ETNK2: variants seen among roughly 807,000 people sequenced by gnomAD.
ETNK2 encodes the protein ethanolamine kinase 2, also known as ethanolamine kinase-like protein.
ETNK2 carries 33 observed loss-of-function variants against 46.2 expected under a neutral mutation model. The observed-to-expected ratio is 0.71, with a 90% CI of 0.54 to 0.96. The LOEUF is 0.96. Ranked by LOEUF, ETNK2 falls within the 40% of genes least tolerant of loss-of-function variation. The pLI is 0.00. For missense variants in ETNK2, 445 were observed against 509.7 expected, an observed-to-expected ratio of 0.87 and a Z score of 1.22; for synonymous variants, 194 against 209.0, an observed-to-expected ratio of 0.93 and a Z score of 0.62.
In ETNK2 at chr1:204,137,166, C is replaced by T. The variant is rs746909963; in HGVS notation, c.952G>A (p.Gly318Arg). 1.2e-6 allele frequency: 2 copies of T among 1,613,986 alleles called. No homozygotes were observed. Among genetic ancestry groups the T allele is most frequent in the South Asian group, 2.2e-5 (2 of 91,074 alleles). The change falls in exon 6 of 8, where the codon GGG becomes AGG. Residue 318 changes from glycine to arginine, a missense_variant. Transcript: ENST00000367202. Reference protein sequence around the residue: ...WLHYYLQAQKGMAVTPREVQR... With the variant: ...WLHYYLQAQKRMAVTPREVQR... ...ACCTCCCTGGGGGTCACGGCCATCCCCTTTTGTGCCTGCAGGTAGTAGTGC... is the reference window on the plus strand; with the variant it reads ...ACCTCCCTGGGGGTCACGGCCATCCTCTTTTGTGCCTGCAGGTAGTAGTGC...
intron 7 of ETNK2, among the ~76,000 whole-genome samples, chr1:204,133,536 T>A (rs1165659340): frequency 7.2e-6 from 1 of 139,484 alleles, no homozygotes; most frequent in African/African-American, 2.8e-5. Flanking sequence ...TTTATTTTAT[T>A]TTTTTTTTTT....
intron 2 of ETNK2, chr1:204,147,535 C>G (rs1277637778): frequency 1.9e-6 from 1 of 533,426 alleles, no homozygotes; most frequent in Admixed American, 1.9e-5. Flanking sequence ...TCCCAGTCCT[C>G]TTCCAGTCTT....
In ETNK2 at chr1:204,141,312, T is replaced by TAC; in HGVS notation, c.784+1_784+2dup. 1 of 1,613,994 alleles carries TAC rather than the reference T, an allele frequency of 6.2e-7. No individual in the cohort carries two copies. Among genetic ancestry groups the TAC allele is most frequent in the African/African-American group, 1.3e-5 (1 of 75,038 alleles). ...TGCTGCCCCAGGGCCAGAGAAGCCA[T>TAC]ACCTTTGATGCTGTCATAGATGATA... On this transcript the variant is annotated splice_region_variant and intron_variant, in intron 4 of 7. Coordinates refer to ENST00000367202, the MANE Select transcript of ETNK2 (RefSeq NM_018208.4).
Position 204,145,501 on chromosome 1 carries a change from G to A in ETNK2, c.641+1141C>T, listed in dbSNP as rs578226258. ...CTCTACAAACTGTTCTAACCCTGAG[G>A]GAAAAGGAGGTCCTTGTCCCAAAGA... is the stretch of plus-strand genomic sequence containing the variant. On this transcript the variant is annotated intron_variant, in intron 3 of 7. Transcript: ENST00000367202. Among the ~76,000 whole-genome samples the A allele has an allele frequency of 1.1e-3, 163 of 152,290 alleles. 1 individual carries two copies. Among genetic ancestry groups the A allele is most frequent in the African/African-American group, 3.7e-3 (152 of 41,536 alleles).
Position 204,137,182 on chromosome 1 carries a change from G to T in ETNK2, c.936C>A (p.Tyr312Ter), listed in dbSNP as rs1364288670. ...CGGCCATCCCCTTTTGTGCCTGCAG[G>T]TAGTAGTGCAGCCACTGCAGCTGGG... ...RETQLQWLHY[Y>*]LQAQKGMAVT... The change falls in exon 6 of 8, where the codon TAC becomes TAA. Residue 312 changes from tyrosine (Y) to a stop codon, truncating the protein, a stop_gained. Coordinates refer to ENST00000367202, the MANE Select transcript of ETNK2 (RefSeq NM_018208.4). LOFTEE classifies it high-confidence loss of function. 2 of 1,613,992 alleles carry T rather than the reference G, an allele frequency of 1.2e-6. No individual in the cohort carries two copies. Among genetic ancestry groups the T allele is most frequent in the African/African-American group, 2.7e-5 (2 of 75,054 alleles).
Position 204,132,142 on chromosome 1 carries a change from G to C in ETNK2, c.*42C>G, listed in dbSNP as rs779185057. 2.7e-6 allele frequency: 4 copies of C among 1,489,734 alleles called. No individual in the cohort carries two copies. The highest frequency in any genetic ancestry group is 3.7e-6 in the Non-Finnish European group (4 of 1,090,102). 92.3% of individuals were successfully genotyped at this position (1,489,734 alleles called of 1,614,324 possible). Reference sequence around the variant, plus strand: ...TGCAGAATTGAGCTCTGGAGAACAGGTCTGGCCAGACAGATGGGTAGGGGA... The same window carrying C: ...TGCAGAATTGAGCTCTGGAGAACAGCTCTGGCCAGACAGATGGGTAGGGGA... On this transcript the variant is annotated 3_prime_UTR_variant, in exon 8 of 8. Coordinates refer to ENST00000367202, the MANE Select transcript of ETNK2 (RefSeq NM_018208.4).
intron 5 of ETNK2, chr1:204,139,025 G>A (rs1558232398): frequency 6.6e-6 from 1 of 152,148 alleles, no homozygotes; most frequent in African/African-American, 2.4e-5. Flanking sequence ...ATGTGTGTGT[G>A]TGTGTCTCAT....
At chr1:204,133,535 T>TA (rs1657155427) in intron 7 of ETNK2, among the ~76,000 whole-genome samples, 1 of 137,962 alleles carries the variant, frequency 7.2e-6, no homozygotes, top group African/African-American at 2.8e-5. Context: ...TTTTATTTTA[T>TA]TTTTTTTTTT....
At chr1:204,142,229 C>T (rs1255483280) in intron 3 of ETNK2, 1 of 152,272 alleles carries the variant, frequency 6.6e-6, no homozygotes, top group East Asian at 1.9e-4. Flanking sequence ...TGTGGCTCCC[C>T]ATTGACTCAT....
chr1:204,139,365 G>A (rs4951307), intron 5 of ETNK2, among the ~76,000 whole-genome samples: 13,574 of 152,206 alleles, frequency 0.089, 676 homozygotes, highest in Middle Eastern at 0.13. Flanking sequence ...TGCAGCAATC[G>A]TCTAAGCTGG....
intron 3 of ETNK2, chr1:204,142,881 T>C (rs983061873): frequency 6.6e-6 from 1 of 152,138 alleles, no homozygotes; most frequent in Non-Finnish European, 1.5e-5. Flanking sequence ...TCCAGCCCCA[T>C]TGGGAAACTG....
In ETNK2 at chr1:204,151,934, G is replaced by T. The variant is rs12738682; in HGVS notation, c.-82C>A. On this transcript the variant is annotated 5_prime_UTR_variant, in exon 1 of 8. Coordinates refer to ENST00000367202, the MANE Select transcript of ETNK2 (RefSeq NM_018208.4). The surrounding 1 kb of genome is among the most constrained non-coding windows in gnomAD (Gnocchi z 8.0). ...CCGGCGAGGGAGTGGGAGTGGTAGA[G>T]GAGGGGCCAGGGGAAGTCCATGACT... 4.4e-6 allele frequency: 6 copies of T among 1,355,002 alleles called. No homozygotes were observed. The South Asian group carries it at 9.6e-5, about 22-fold the overall frequency. The allele number at this position is 1,355,002 out of a possible 1,614,324, so 83.9% of individuals were successfully genotyped here.
chr1:204,133,461 C>T (rs1262046119), intron 7 of ETNK2, among the ~76,000 whole-genome samples: 9 of 151,698 alleles, frequency 5.9e-5, no homozygotes, highest in South Asian at 4.2e-4. Flanking sequence ...GGGTGTGAAG[C>T]GACATCTCAC....
In ETNK2 at chr1:204,151,908, T is replaced by A. The variant is rs951600443; in HGVS notation, c.-56A>T. On this transcript the variant is annotated 5_prime_UTR_variant, in exon 1 of 8. Transcript: ENST00000367202. The surrounding 1 kb of genome is among the most constrained non-coding windows in gnomAD (Gnocchi z 8.0). ...GCAGACGCTAGCCCCGGCGGGGGGG[T>A]CCGGCGAGGGAGTGGGAGTGGTAGA... 5 of 1,400,070 alleles carry A rather than the reference T, an allele frequency of 3.6e-6. No homozygotes were observed. The highest frequency in any genetic ancestry group is 3.7e-6 in the Non-Finnish European group (4 of 1,084,720). The allele number at this position is 1,400,070 out of a possible 1,614,324, so 86.7% of individuals were successfully genotyped here.
Position 204,151,888 on chromosome 1 carries a change from C to A in ETNK2, c.-36G>T. On this transcript the variant is annotated 5_prime_UTR_variant, in exon 1 of 8. Transcript: ENST00000367202. The surrounding 1 kb of genome is among the most constrained non-coding windows in gnomAD (Gnocchi z 8.0). The stretch of plus-strand genomic sequence containing the variant: ...CCCACCCCCTCGGAGCCGCGGCAGA[C>A]GCTAGCCCCGGCGGGGGGGTCCGGC... 7.1e-7 allele frequency: 1 copy of A among 1,409,900 alleles called. No individual in the cohort carries two copies. Among genetic ancestry groups the A allele is most frequent in the Non-Finnish European group, 9.2e-7 (1 of 1,088,432 alleles). 87.3% of individuals were successfully genotyped at this position (1,409,900 alleles called of 1,614,324 possible). A position where few individuals can be genotyped will look rare whatever the true frequency, so the allele number is the denominator to read the frequency against.
intron 3 of ETNK2, among the ~76,000 whole-genome samples, chr1:204,144,344 T>TCAAAAAAAAAAAAAA (rs1657687854): frequency 9.9e-5 from 1 of 10,128 alleles, no homozygotes; most frequent in Non-Finnish European, 1.7e-4. Context: ...AGAATCCATC[T>TCAAAAAAAAAAAAAA]CAAAAAAAAA....
rs757621574 is a variant in ETNK2, at chr1:204,149,888, G to C, written c.333C>G (p.Val111=). Residue 111 remains valine (V), a synonymous_variant, in exon 2 of 8, where the codon GTC becomes GTG. Coordinates refer to ENST00000367202, the MANE Select transcript of ETNK2 (RefSeq NM_018208.4). ...GCTCCGTCCGCTCCCCATACACCCG[G>C]ACCAGCACGCAGTCCTGCATGTCCT... ...VEEDMQDCVL[V]RVYGERTELL... 2 of 1,584,768 alleles carry C rather than the reference G, an allele frequency of 1.3e-6. No homozygotes were observed. The highest frequency in any genetic ancestry group is 2.3e-5 in the South Asian group (2 of 86,838).
chr1:204,146,107 T>C (rs1254436317), intron 3 of ETNK2, among the ~76,000 whole-genome samples: 1 of 152,120 alleles, frequency 6.6e-6, no homozygotes, highest in Non-Finnish European at 1.5e-5. Context: ...CAAAGGCACA[T>C]GGGGACAAGA....
intron 2 of ETNK2, among the ~76,000 whole-genome samples, chr1:204,149,395 C>T (rs537385907): frequency 1.3e-5 from 2 of 152,296 alleles, no homozygotes; most frequent in Non-Finnish European, 2.9e-5. Flanking sequence ...GTTTCCAGGT[C>T]AGACTTGGAG....
Sources: allele counts gnomAD v4.1 joint callset (sites outside exome capture counted in the v4.1 genomes callset), GRCh38; gene constraint gnomAD v4.1.1; non-coding constraint Gnocchi (gnomAD v3.1); transcripts MANE v1.5; gene names NCBI Gene and HGNC (gene_info 2026-07-23, HGNC 2026-07-21).